CD163L1: variants seen among roughly 807,000 people sequenced by gnomAD.
CD163L1 encodes the protein scavenger receptor cysteine-rich type 1 protein M160.
Under a neutral mutation model 165.4 loss-of-function variants are expected in CD163L1, and 124 were observed. The observed-to-expected ratio is 0.75, with a 90% CI of 0.65 to 0.87. The LOEUF (loss-of-function observed/expected upper bound fraction) is 0.87. Among genes scored for constraint, CD163L1 ranks in the 40% least tolerant of loss-of-function variants. The pLI is 0.00. For missense variants in CD163L1, 1,525 were observed against 1,799.9 expected, an observed-to-expected ratio of 0.85 and a Z score of 2.76; for synonymous variants, 585 against 662.2, an observed-to-expected ratio of 0.88 and a Z score of 1.79.
At chr12:7,335,480 A>C in the CD163L1 span, among the ~76,000 whole-genome samples, 1 of 152,222 alleles carries the variant, frequency 6.6e-6, no homozygotes, top group East Asian at 1.9e-4. Context: ...TACAGCTTAT[A>C]CAAAAATTAA....
chr12:7,404,719 G>T lies in CD163L1; in HGVS notation c.1088-864C>A, dbSNP rs946115451. On this transcript the variant is annotated intron_variant, in intron 5 of 19. Transcript: ENST00000313599. ...GAGAAATCTGGTTCACATTGAATAG[G>T]TTAGTCTTCGGAGATTTGGAGGTTT... Among the ~76,000 whole-genome samples, 4 of 152,214 alleles carry T rather than the reference G, an allele frequency of 2.6e-5. No individual in the cohort carries two copies. In the East Asian group the frequency reaches 7.7e-4, roughly 29 times the overall value.
chr12:7,321,926 G>C, the CD163L1 span, among the ~76,000 whole-genome samples: 1 of 152,174 alleles, frequency 6.6e-6, no homozygotes, highest in Non-Finnish European at 1.5e-5. Flanking sequence ...GAGGTGCCTG[G>C]TACAGAGTTT....
the CD163L1 span, chr12:7,322,627 C>A: frequency 6.8e-7 from 1 of 1,477,432 alleles, no homozygotes; most frequent in Non-Finnish European, 9.0e-7. Context: ...GTGCCCCCAT[C>A]CCACTGTAAA....
intron 2 of CD163L1, chr12:7,439,723 G>A (rs766281340): frequency 1.2e-6 from 2 of 1,610,432 alleles, no homozygotes; most frequent in Admixed American, 1.7e-5. Context: ...GGGCTCCCAG[G>A]TATCGTCATC....
At chr12:7,349,417 C>T (rs1946692859) in intron 4 of CD163L1, among the ~76,000 whole-genome samples, 2 of 152,064 alleles carry the variant, frequency 1.3e-5, no homozygotes, top group Non-Finnish European at 2.9e-5. Context: ...TGACTTAATG[C>T]ATAGTAGTTA....
chr12:7,416,334 T>C (rs774768461), intron 4 of CD163L1, among the ~76,000 whole-genome samples: 22 of 152,198 alleles, frequency 1.4e-4, no homozygotes, highest in African/African-American at 5.3e-4. Context: ...GTCAGAAGGA[T>C]AGGTTGCAAA....
intron 4 of CD163L1, among the ~76,000 whole-genome samples, chr12:7,421,218 T>G (rs1363444185): frequency 1.5e-5 from 2 of 134,510 alleles, no homozygotes; most frequent in African/African-American, 5.4e-5. Flanking sequence ...TATATATATG[T>G]GTATATATAT....
the CD163L1 span, chr12:7,327,141 G>C: frequency 6.5e-7 from 1 of 1,528,390 alleles, no homozygotes; most frequent in East Asian, 2.4e-5. Context: ...ACCAAACTAG[G>C]GTCTAAGCTA....
At chr12:7,367,695 C>T (rs1947052643) in intron 17 of CD163L1, 1 of 237,758 alleles carries the variant, frequency 4.2e-6, no homozygotes, top group Non-Finnish European at 8.2e-6. Context: ...GGCCACACAG[C>T]TAGTAAGTTA....
downstream of CD163L1, among the ~76,000 whole-genome samples, chr12:7,352,725 C>G (rs1946715884): frequency 6.6e-6 from 1 of 152,058 alleles, no homozygotes; most frequent in Non-Finnish European, 1.5e-5. Flanking sequence ...AAAAACTCAG[C>G]AGAGACATCA....
At chr12:7,415,006 T>C (rs1948209116) in intron 4 of CD163L1, among the ~76,000 whole-genome samples, 2 of 152,034 alleles carry the variant, frequency 1.3e-5, no homozygotes, top group South Asian at 2.1e-4. Flanking sequence ...ACATGAAAAA[T>C]ATGCAAGTAT....
At chr12:7,424,664 A>C (rs1294190138) in intron 4 of CD163L1, among the ~76,000 whole-genome samples, 1 of 152,214 alleles carries the variant, frequency 6.6e-6, no homozygotes, top group East Asian at 1.9e-4. Context: ...AATGTGCAAA[A>C]ATCACAAGCA....
chr12:7,327,525 G>T, the CD163L1 span, among the ~76,000 whole-genome samples: 1 of 152,142 alleles, frequency 6.6e-6, no homozygotes, highest in Non-Finnish European at 1.5e-5. Flanking sequence ...GATATCCAAA[G>T]AAACTATGGA....
chr12:7,355,956 T>C (rs1310562776), intron 19 of CD163L1, among the ~76,000 whole-genome samples: 1 of 152,168 alleles, frequency 6.6e-6, no homozygotes, highest in East Asian at 1.9e-4. Context: ...TATTTTCTTT[T>C]GGCAGCCCTA....
chr12:7,322,253 C>T, the CD163L1 span, among the ~76,000 whole-genome samples: 699 of 152,208 alleles, frequency 4.6e-3, 2 homozygotes, highest in African/African-American at 0.016. Context: ...ATGCCTAGAA[C>T]AATGTCTGGC....
intron 8 of CD163L1, among the ~76,000 whole-genome samples, chr12:7,393,527 C>T (rs999882577): frequency 6.6e-6 from 1 of 152,184 alleles, no homozygotes; most frequent in South Asian, 2.1e-4. Context: ...CAAGAATGCC[C>T]TCTCTTACCA....
chr12:7,403,943 T>C, intron 5 of CD163L1, 88 bp from the exon 6 acceptor site: 1 of 992,110 alleles, frequency 1.0e-6, no homozygotes, highest in Non-Finnish European at 1.5e-6. Flanking sequence ...AATGTGAAGA[T>C]TAGATGTATC....
Position 7,369,575 on chromosome 12 carries a change from G to T in CD163L1, c.3821C>A (p.Ser1274Tyr), listed in dbSNP as rs142841462. 418 of 1,614,140 alleles carry T rather than the reference G, an allele frequency of 2.6e-4. 4 individuals are homozygous for T. The East Asian group carries it at 7.5e-3, about 29-fold the overall frequency. Residue 1274 changes from serine (S) to tyrosine (Y), a missense_variant, in exon 15 of 20, where the codon TCC becomes TAC. Ser to Tyr is a moderately radical substitution (Grantham distance 144, BLOSUM62 -2). Transcript: ENST00000313599. This position sits in a 1 kb window ranked among gnomAD's most constrained non-coding sequence, Gnocchi z 4.9. ...CACTTCCGCCTCGGCCAGGTCCCAG[G>T]AGTCATCACACACTGTGCCCCAGGA... is the stretch of plus-strand genomic sequence containing the variant. ...AGSWGTVCDD[S>Y]WDLAEAEVVC... is the part of the protein sequence containing the mutation.
Position 7,441,126 on chromosome 12 carries a change from C to T in CD163L1, c.124+28G>A, listed in dbSNP as rs763456618. On this transcript the variant is annotated intron_variant, in intron 2 of 19. Coordinates refer to ENST00000313599, the MANE Select transcript of CD163L1 (RefSeq NM_174941.6). ...AAAGGTAGAATAGAGGATTGTAAGC[C>T]CAAAAGTTATCATCCATCAGAACTC... 2.0e-6 allele frequency: 3 copies of T among 1,538,068 alleles called. No individual in the cohort carries two copies. In the East Asian group the frequency reaches 6.7e-5, roughly 35 times the overall value.
Sources: allele counts gnomAD v4.1 joint callset (sites outside exome capture counted in the v4.1 genomes callset), GRCh38; gene constraint gnomAD v4.1.1; non-coding constraint Gnocchi (gnomAD v3.1); transcripts MANE v1.5; gene names NCBI Gene and HGNC (gene_info 2026-07-23, HGNC 2026-07-21).